Variants in ACOXL observed in about 807,000 individuals in gnomAD.
The protein encoded by ACOXL is acyl-coenzyme A oxidase-like protein.
A neutral mutation model predicts 71.9 loss-of-function variants in ACOXL; 70 were observed. The observed-to-expected ratio is 0.97, with a 90% confidence interval of 0.80 to 1.19. The LOEUF (loss-of-function observed/expected upper bound fraction) is 1.19. ACOXL is among the 50% of genes most tolerant of loss of function. The probability of loss-of-function intolerance (pLI) is 0.00; values close to 1 mark genes in which losing one functional copy is unlikely to be tolerated. For missense variants in ACOXL, 703 were observed against 736.3 expected (o/e 0.95, Z 0.52); for synonymous variants, 253 against 281.6 (o/e 0.90, Z 1.02).
intron 13 of ACOXL, 40 bp from the exon 14 acceptor site, chr2:110,995,853 G>A (rs1423345863): frequency 6.5e-7 from 1 of 1,528,426 alleles, no homozygotes; most frequent in Admixed American, 1.7e-5. Flanking sequence ...TTCTTGGTGA[G>A]GCCAAAATAA....
intron 10 of ACOXL, among the ~76,000 whole-genome samples, chr2:110,884,162 C>A (rs1039869560): frequency 1.3e-5 from 2 of 152,012 alleles, no homozygotes; most frequent in African/African-American, 4.8e-5. Flanking sequence ...GAGAAGAAGA[C>A]CCAAAAAAGT....
chr2:110,741,163 T>C (rs556543695), intron 1 of ACOXL, among the ~76,000 whole-genome samples: 39 of 152,202 alleles, frequency 2.6e-4, no homozygotes, highest in African/African-American at 9.2e-4. Flanking sequence ...TGATTTCCAG[T>C]GTGTTTATCT....
intron 10 of ACOXL, among the ~76,000 whole-genome samples, chr2:110,859,833 G>A (rs999979779): frequency 7.2e-5 from 11 of 152,118 alleles, no homozygotes; most frequent in Non-Finnish European, 1.6e-4. Context: ...CTGGCCTGTG[G>A]GATCAATGCT....
chr2:110,923,944 A>C (rs1558736551), intron 11 of ACOXL, among the ~76,000 whole-genome samples: 1 of 152,086 alleles, frequency 6.6e-6, no homozygotes, highest in Non-Finnish European at 1.5e-5. Flanking sequence ...CTCAAAAAAA[A>C]AAAAAGAGAA....
Position 110,818,952 on chromosome 2 carries a change from A to G in ACOXL, c.753+13557A>G, listed in dbSNP as rs978894486. Among the ~76,000 whole-genome samples, 3 of 123,738 alleles carry G rather than the reference A, an allele frequency of 2.4e-5. 1 individual carries two copies. Among genetic ancestry groups the G allele is most frequent in the East Asian group, 4.8e-4 (2 of 4,206 alleles). The allele number at this position is 123,738 out of a possible 152,430, so 81.2% of individuals were successfully genotyped here. A position where few individuals can be genotyped will look rare whatever the true frequency, so the allele number is the denominator to read the frequency against. ...GAGGACAGGCTGCATTCTGAGAAGT[A>G]ATTTTCAGAACACTGGAGAGCATAG... On this transcript the variant is annotated intron_variant, in intron 9 of 17. Coordinates refer to ENST00000439055, the MANE Select transcript of ACOXL (RefSeq NM_001142807.4).
chr2:110,850,847 G>A (rs1692512562), intron 10 of ACOXL, among the ~76,000 whole-genome samples: 1 of 152,148 alleles, frequency 6.6e-6, no homozygotes. Context: ...AAACGTTAGT[G>A]CACACCAAGA....
chr2:110,964,330 T>C (rs531293738), intron 12 of ACOXL, among the ~76,000 whole-genome samples: 4 of 152,380 alleles, frequency 2.6e-5, no homozygotes, highest in Admixed American at 6.5e-5. Flanking sequence ...GGAAAATTAT[T>C]ATACAGTATA....
At chr2:110,791,818 G>T (rs1001947489) in intron 3 of ACOXL, among the ~76,000 whole-genome samples, 12 of 152,166 alleles carry the variant, frequency 7.9e-5, no homozygotes, top group African/African-American at 2.9e-4. Flanking sequence ...TCCAGATGCA[G>T]TGACCCCAGG....
intron 16 of ACOXL, among the ~76,000 whole-genome samples, chr2:111,056,616 A>T (rs2066553742): frequency 6.6e-6 from 1 of 151,870 alleles, no homozygotes; most frequent in Admixed American, 6.6e-5. Flanking sequence ...GTGAAACCCC[A>T]TCTCTACTAA....
At chr2:110,964,864 T>C (rs1017044964) in intron 12 of ACOXL, among the ~76,000 whole-genome samples, 10 of 152,224 alleles carry the variant, frequency 6.6e-5, no homozygotes, top group African/African-American at 1.4e-4. Context: ...CAATATGCAA[T>C]ATATTGTTGT....
At chr2:110,826,438 C>T (rs924657704) in intron 9 of ACOXL, among the ~76,000 whole-genome samples, 1 of 152,240 alleles carries the variant, frequency 6.6e-6, no homozygotes, top group Admixed American at 6.5e-5. Context: ...ATGCTTCCTT[C>T]TCAGAGTTGA....
At chr2:110,817,069 G>A (rs1009980353) in intron 9 of ACOXL, among the ~76,000 whole-genome samples, 2 of 152,226 alleles carry the variant, frequency 1.3e-5, no homozygotes, top group African/African-American at 2.4e-5. Context: ...CACACAGTGC[G>A]AGGCACACAG....
Position 110,768,397 on chromosome 2 carries a change from C to G in ACOXL, c.8C>G (p.Ala3Gly). Reference sequence around the variant, plus strand: ...GATTTAAGCTTGGATGAAATGAGAGCTTTGACAGTTCAGAGAGTGAAGTTT... The same window carrying G: ...GATTTAAGCTTGGATGAAATGAGAGGTTTGACAGTTCAGAGAGTGAAGTTT... Reference protein sequence around the residue: MRALTVQRVKFAM... With the variant: MRGLTVQRVKFAM... Residue 3 changes from alanine (A) to glycine (G), a missense_variant, in exon 2 of 18, where the codon GCT (alanine) becomes GGT (glycine). Physicochemically the swap from Ala to Gly is moderately conservative, Grantham distance 60. Transcript: ENST00000439055. 1.9e-6 allele frequency: 3 copies of G among 1,613,908 alleles called. No homozygotes were observed. The highest frequency in any genetic ancestry group is 2.5e-6 in the Non-Finnish European group (3 of 1,179,974).
chr2:110,968,575 A>G (rs2062036173), intron 12 of ACOXL: 3 of 952,700 alleles, frequency 3.1e-6, no homozygotes, highest in Middle Eastern at 3.3e-4. Context: ...TGCTGCTTAT[A>G]CATCAAGTCT....
intron 11 of ACOXL, among the ~76,000 whole-genome samples, chr2:110,929,247 C>T (rs557306978): frequency 6.6e-6 from 1 of 152,116 alleles, no homozygotes; most frequent in Non-Finnish European, 1.5e-5. Context: ...CTGAGGTGGA[C>T]TCAGATGGAG....
At chr2:110,807,250 G>T (rs573559940) in intron 9 of ACOXL, among the ~76,000 whole-genome samples, 85 of 152,364 alleles carry the variant, frequency 5.6e-4, no homozygotes, top group Non-Finnish European at 9.3e-4. Flanking sequence ...GCTCTCTAGG[G>T]CTCAGTTTCT....
chr2:110,986,502 G>A (rs1427767870), intron 12 of ACOXL, among the ~76,000 whole-genome samples: 1 of 152,188 alleles, frequency 6.6e-6, no homozygotes, highest in Non-Finnish European at 1.5e-5. Context: ...GCTGAGTGGA[G>A]GCACGCTGGT....
At chr2:110,974,013 T>C (rs904487296) in intron 12 of ACOXL, among the ~76,000 whole-genome samples, 2 of 152,154 alleles carry the variant, frequency 1.3e-5, no homozygotes, top group African/African-American at 2.4e-5. Flanking sequence ...CTGCCCTGCG[T>C]TGGACCCGGA....
intron 10 of ACOXL, among the ~76,000 whole-genome samples, chr2:110,869,967 G>A (rs1334161060): frequency 6.6e-6 from 1 of 152,264 alleles, no homozygotes; most frequent in Non-Finnish European, 1.5e-5. Context: ...CAAGTGGCTT[G>A]TAATGGATTC....
Sources: gnomAD v4.1 joint callset for allele counts (sites outside exome capture counted in the v4.1 genomes callset) on GRCh38, gnomAD v4.1.1 for gene constraint, MANE v1.5 for transcripts, NCBI Gene and HGNC (gene_info 2026-07-23, HGNC 2026-07-21) for gene names.